The following SLC39A8 variants were observed in gnomAD, a reference collection of about 807,000 sequenced individuals.
The protein encoded by SLC39A8 is solute carrier family 39 member 8.
A neutral mutation model predicts 40.4 loss-of-function variants in SLC39A8; 15 were observed. That is an observed-to-expected ratio of 0.37 (90% confidence interval 0.25 to 0.57). SLC39A8 has a LOEUF of 0.57. SLC39A8 is among the 20% of genes least tolerant of loss of function. The pLI, the probability that SLC39A8 is intolerant of heterozygous loss-of-function variation, is 0.75. For missense variants in SLC39A8, 472 were observed against 558.8 expected, an observed-to-expected ratio of 0.84 and a Z score of 1.57; for synonymous variants, 223 against 221.6, an observed-to-expected ratio of 1.01 and a Z score of -0.06.
At chr4:102,287,674 T>A (rs1305822426) in intron 6 of SLC39A8, among the ~76,000 whole-genome samples, 1 of 152,160 alleles carries the variant, frequency 6.6e-6, no homozygotes, top group Non-Finnish European at 1.5e-5. Context: ...TAGTTTTATA[T>A]GCTCAAAAAT....
chr4:102,269,630 G>C (rs1269064240), intron 6 of SLC39A8: 1 of 152,156 alleles, frequency 6.6e-6, no homozygotes, highest in Non-Finnish European at 1.5e-5. Flanking sequence ...AGCACAAAAA[G>C]GTTGGTAAAC....
At chr4:102,309,870 C>T (rs1734349012) in intron 3 of SLC39A8, among the ~76,000 whole-genome samples, 1 of 152,032 alleles carries the variant, frequency 6.6e-6, no homozygotes, top group African/African-American at 2.4e-5. Context: ...CTGCTTCAGG[C>T]ATCTCTCACC....
intron 2 of SLC39A8, among the ~76,000 whole-genome samples, chr4:102,326,928 C>T (rs1458573126): frequency 6.6e-6 from 1 of 152,082 alleles, no homozygotes; most frequent in African/African-American, 2.4e-5. Context: ...CCTTCTTCTG[C>T]CCAAACTGCA....
chr4:102,310,236 AAC>A (rs1324969696), intron 3 of SLC39A8, among the ~76,000 whole-genome samples: 2 of 152,068 alleles, frequency 1.3e-5, no homozygotes, highest in African/African-American at 2.4e-5. Context: ...CTTCCAAGCC[AAC>A]ACAAAGATCT....
chr4:102,329,218 G>A (rs1735344447), intron 2 of SLC39A8, among the ~76,000 whole-genome samples: 2 of 152,064 alleles, frequency 1.3e-5, no homozygotes, highest in African/African-American at 4.8e-5. Flanking sequence ...GAGAAATATG[G>A]GAGTGGGGGC....
In SLC39A8 at chr4:102,262,830, C is replaced by T; in HGVS notation, c.*214G>A. 7.5e-7 allele frequency: 1 copy of T among 1,325,930 alleles called. No homozygotes were observed. The highest frequency in any genetic ancestry group is 9.6e-7 in the Non-Finnish European group (1 of 1,039,572). 82.1% of individuals were successfully genotyped at this position (1,325,930 alleles called of 1,614,324 possible). A position where few individuals can be genotyped will look rare whatever the true frequency, so the allele number is the denominator to read the frequency against. ...GTATTTCCCAAAGGCTCCTATATAC[C>T]AGGCATCTCAGACTGACACTGAAAA... On this transcript the variant is annotated 3_prime_UTR_variant, in exon 9 of 9. Transcript: ENST00000356736.
chr4:102,304,227 G>A (rs1578594154), intron 6 of SLC39A8, 90 bp downstream of exon 6: 3 of 965,430 alleles, frequency 3.1e-6, no homozygotes, highest in Non-Finnish European at 4.6e-6. Context: ...ATACATAAAT[G>A]TACAAAAACT....
rs568826011 is a variant in SLC39A8, at chr4:102,321,947, G to A, written c.220-6117C>T. On this transcript the variant is annotated intron_variant, in intron 2 of 8. Transcript: ENST00000356736. Reference sequence around the variant, plus strand: ...CGAAAAAGAGCCAGTATATAAGCCCGAGTGAATTAAGCTCAAAACATAAGA... The same window carrying A: ...CGAAAAAGAGCCAGTATATAAGCCCAAGTGAATTAAGCTCAAAACATAAGA... 2.5e-3 allele frequency among the ~76,000 whole-genome samples: 379 copies of A among 152,346 alleles called. 3 individuals carry two copies. Among genetic ancestry groups the A allele is most frequent in the Non-Finnish European group, 4.2e-3 (286 of 68,032 alleles).
At chr4:102,254,308 T>C (rs1176440138) in intron 11 of SLC39A8, among the ~76,000 whole-genome samples, 1 of 152,226 alleles carries the variant, frequency 6.6e-6, no homozygotes, top group Admixed American at 6.5e-5. Flanking sequence ...CTCTGATCTA[T>C]CTTTATATCT....
At chr4:102,293,667 A>T (rs761356932) in intron 6 of SLC39A8, among the ~76,000 whole-genome samples, 1 of 151,990 alleles carries the variant, frequency 6.6e-6, no homozygotes, top group South Asian at 2.1e-4. Flanking sequence ...AGAATATTTT[A>T]AAAATATTTC....
chr4:102,288,171 T>C (rs957485321), intron 6 of SLC39A8, among the ~76,000 whole-genome samples: 1 of 152,188 alleles, frequency 6.6e-6, no homozygotes, highest in Non-Finnish European at 1.5e-5. Flanking sequence ...TGTGCTCATT[T>C]CATGCCTCTG....
At chr4:102,328,893 T>A (rs1735331443) in intron 2 of SLC39A8, among the ~76,000 whole-genome samples, 1 of 151,632 alleles carries the variant, frequency 6.6e-6, no homozygotes. Context: ...CTGGGCTTGG[T>A]GGTGGGCGCC....
chr4:102,260,005 TACTC>T (rs1198016521), downstream of SLC39A8, among the ~76,000 whole-genome samples: 1 of 152,126 alleles, frequency 6.6e-6, no homozygotes, highest in Non-Finnish European at 1.5e-5. Context: ...AAATAAATAG[TACTC>T]ACAGGAGGCT....
downstream of SLC39A8, among the ~76,000 whole-genome samples, chr4:102,256,790 G>A (rs981900768): frequency 1.3e-5 from 2 of 152,134 alleles, no homozygotes; most frequent in African/African-American, 4.8e-5. Flanking sequence ...CAGCCACAGG[G>A]GAAACAAAGA....
chr4:102,304,082 A>G (rs554786343), intron 6 of SLC39A8, among the ~76,000 whole-genome samples: 1 of 151,980 alleles, frequency 6.6e-6, no homozygotes. Context: ...AATCTTAGAG[A>G]ATAATGAAGT....
intron 2 of SLC39A8, among the ~76,000 whole-genome samples, chr4:102,343,234 T>C (rs1736019078): frequency 6.6e-6 from 1 of 152,178 alleles, no homozygotes; most frequent in South Asian, 2.1e-4. Context: ...AAGTTCTACT[T>C]TTCTTAAGAG....
downstream of SLC39A8, among the ~76,000 whole-genome samples, chr4:102,258,956 G>T (rs1219720683): frequency 6.6e-6 from 1 of 152,132 alleles, no homozygotes; most frequent in Admixed American, 6.5e-5. Flanking sequence ...CTAGACCATG[G>T]GAATATTCGT....
chr4:102,284,001 G>A (rs1047387760), intron 6 of SLC39A8, among the ~76,000 whole-genome samples: 1 of 152,090 alleles, frequency 6.6e-6, no homozygotes, highest in Non-Finnish European at 1.5e-5. Flanking sequence ...ACTTAAATGT[G>A]TTCTCCTTGA....
chr4:102,307,630 T>A (rs747871822), intron 3 of SLC39A8, 25 bp from the exon 4 acceptor site: 25 of 1,601,960 alleles, frequency 1.6e-5, no homozygotes, highest in Non-Finnish European at 2.1e-5. Context: ...GAAAAGAGAG[T>A]AGAAATTAAT....
Sources: allele counts gnomAD v4.1 joint callset (sites outside exome capture counted in the v4.1 genomes callset), GRCh38; gene constraint gnomAD v4.1.1; transcripts MANE v1.5; gene names NCBI Gene and HGNC (gene_info 2026-07-23, HGNC 2026-07-21).